Variants in LCOR observed in about 807,000 individuals in gnomAD.
LCOR encodes the protein ligand-dependent corepressor.
LCOR carries 14 observed loss-of-function variants against 64.4 expected under a neutral mutation model. That is an observed-to-expected ratio of 0.22 (90% CI 0.14 to 0.34). The LOEUF is 0.34. Among genes scored for constraint, LCOR ranks in the 10% least tolerant of loss-of-function variants. The pLI, the probability that LCOR is intolerant of heterozygous loss-of-function variation, is 1.00. For missense variants in LCOR, 1,686 were observed against 1,765.3 expected (o/e 0.96, Z 0.80); for synonymous variants, 643 against 642.5 (o/e 1.00, Z -0.01).
At chr10:96,910,631 C>G (rs1468616704) in intron 4 of LCOR, among the ~76,000 whole-genome samples, 2 of 152,116 alleles carry the variant, frequency 1.3e-5, no homozygotes, top group Non-Finnish European at 2.9e-5. Context: ...TGGACTGAGG[C>G]TTGCATTTTA....
chr10:96,865,516 A>G (rs1040213953), intron 2 of LCOR, among the ~76,000 whole-genome samples: 3 of 149,842 alleles, frequency 2.0e-5, no homozygotes, highest in Non-Finnish European at 2.9e-5. Context: ...TTGAGATGCA[A>G]TTAAAATGTA....
At chr10:96,956,810 T>A (rs1024506499) in intron 7 of LCOR, 2 of 985,736 alleles carry the variant, frequency 2.0e-6, no homozygotes, top group African/African-American at 3.5e-5. Flanking sequence ...CAAACTAGGT[T>A]TCTTTGTATT....
intron 2 of LCOR, among the ~76,000 whole-genome samples, chr10:96,892,959 AT>A (rs1408345064): frequency 6.6e-6 from 1 of 152,110 alleles, no homozygotes; most frequent in East Asian, 1.9e-4. Context: ...AACATTTCCC[AT>A]TTTATATTTC....
chr10:96,863,561 C>G (rs1207143631), intron 2 of LCOR, among the ~76,000 whole-genome samples: 2 of 152,126 alleles, frequency 1.3e-5, no homozygotes, highest in Non-Finnish European at 2.9e-5. Flanking sequence ...GGAATTGATT[C>G]TAAAAGTTTG....
chr10:96,857,379 G>A (rs528252840), intron 2 of LCOR, among the ~76,000 whole-genome samples: 1 of 152,278 alleles, frequency 6.6e-6, no homozygotes, highest in African/African-American at 2.4e-5. Context: ...TTTGATAGAT[G>A]TTAATTTTAT....
chr10:96,918,218 A>G (rs1398231682), intron 4 of LCOR, among the ~76,000 whole-genome samples: 2 of 152,178 alleles, frequency 1.3e-5, no homozygotes, highest in East Asian at 3.8e-4. Context: ...ATTTTGCATC[A>G]GTTGTCTTCC....
chr10:96,900,740 C>A (rs1287787297), intron 2 of LCOR, among the ~76,000 whole-genome samples: 1 of 147,242 alleles, frequency 6.8e-6, no homozygotes, highest in African/African-American at 2.6e-5. Flanking sequence ...AACCCTTACC[C>A]CCCAGAGTGA....
intron 4 of LCOR, among the ~76,000 whole-genome samples, chr10:96,910,635 CAT>C (rs1846814271): frequency 1.3e-5 from 2 of 152,118 alleles, no homozygotes; most frequent in African/African-American, 4.8e-5. Context: ...CTGAGGCTTG[CAT>C]TTTAAGGCTG....
chr10:96,948,696 A>G (rs1440992283), intron 5 of LCOR, among the ~76,000 whole-genome samples: 1 of 152,184 alleles, frequency 6.6e-6, no homozygotes, highest in Non-Finnish European at 1.5e-5. Context: ...AGTATTTCCT[A>G]AGTGAAGGGT....
intron 2 of LCOR, among the ~76,000 whole-genome samples, chr10:96,887,009 G>T (rs372021758): frequency 6.6e-6 from 1 of 152,154 alleles, no homozygotes; most frequent in African/African-American, 2.4e-5. Flanking sequence ...CTGAGGTGTG[G>T]TCCCTGGGCC....
intron 2 of LCOR, among the ~76,000 whole-genome samples, chr10:96,855,835 G>A (rs1435487118): frequency 2.0e-5 from 3 of 150,814 alleles, no homozygotes; most frequent in South Asian, 2.1e-4. Flanking sequence ...TCTGCCTTCC[G>A]GGTTCAAGCG....
chr10:96,871,196 A>G (rs1052828846), intron 2 of LCOR, among the ~76,000 whole-genome samples: 1 of 150,374 alleles, frequency 6.7e-6, no homozygotes, highest in African/African-American at 2.4e-5. Context: ...AGCTAGGCTT[A>G]CAGGCATGTG....
chr10:96,915,696 C>T (rs1338379509), intron 4 of LCOR: 4 of 732,758 alleles, frequency 5.5e-6, no homozygotes, highest in Non-Finnish European at 5.0e-6. Context: ...CCATTTTCTA[C>T]AGGGTTATTC....
At chr10:96,843,313 G>C (rs1384661632) in intron 2 of LCOR, among the ~76,000 whole-genome samples, 1 of 151,942 alleles carries the variant, frequency 6.6e-6, no homozygotes, top group Admixed American at 6.6e-5. Context: ...TTTTGTTTTT[G>C]GTAGAGATGA....
At chr10:96,868,730 G>T (rs184738849) in intron 2 of LCOR, among the ~76,000 whole-genome samples, 72 of 152,266 alleles carry the variant, frequency 4.7e-4, no homozygotes, top group African/African-American at 1.6e-3. Context: ...CACTTTTAAT[G>T]ATTTTTAATT....
rs1225747922 is a variant in LCOR, at chr10:96,993,437, A to G, written c.*8303A>G. On this transcript the variant is annotated 3_prime_UTR_variant, in exon 8 of 8. Transcript: ENST00000421806. ...TTTAGCACTGAACTAGACAGTCAAA[A>G]CTTTTTTAACTTTGCAGGAAGAAAT... The G allele has an allele frequency of 6.6e-6, 1 of 152,154 alleles. No individual in the cohort carries two copies. The highest frequency in any genetic ancestry group is 6.5e-5 in the Admixed American group (1 of 15,278). 9.4% of individuals were successfully genotyped at this position (152,154 alleles called of 1,614,324 possible). A position where few individuals can be genotyped will look rare whatever the true frequency, so the allele number is the denominator to read the frequency against.
intron 2 of LCOR, among the ~76,000 whole-genome samples, chr10:96,847,505 C>G (rs890609388): frequency 1.3e-5 from 2 of 152,082 alleles, no homozygotes; most frequent in South Asian, 4.1e-4. Flanking sequence ...TGCAATGGCA[C>G]GATCTCGGCT....
intron 2 of LCOR, among the ~76,000 whole-genome samples, chr10:96,891,935 C>T (rs1468784897): frequency 6.6e-6 from 1 of 152,160 alleles, no homozygotes. Flanking sequence ...TGATTTCTAA[C>T]TTCATTGCAT....
chr10:96,883,983 A>G (rs1280430175), intron 2 of LCOR, among the ~76,000 whole-genome samples: 2 of 152,172 alleles, frequency 1.3e-5, no homozygotes, highest in Non-Finnish European at 2.9e-5. Flanking sequence ...ATACAATAAT[A>G]TATGGTTATT....
Sources: allele counts gnomAD v4.1 joint callset (sites outside exome capture counted in the v4.1 genomes callset), GRCh38; gene constraint gnomAD v4.1.1; transcripts MANE v1.5; gene names NCBI Gene and HGNC (gene_info 2026-07-23, HGNC 2026-07-21).